ADAM32: variants seen among roughly 807,000 people sequenced by gnomAD.
ADAM32 encodes the protein ADAM metallopeptidase domain 32.
A neutral mutation model predicts 114.9 loss-of-function variants in ADAM32; 89 were observed. The ratio of observed to expected loss-of-function variants is 0.77; its 90% CI spans 0.65 to 0.92. The LOEUF (loss-of-function observed/expected upper bound fraction) is 0.92. Ranked by LOEUF, ADAM32 falls within the 40% of genes least tolerant of loss-of-function variation. The pLI, the probability that ADAM32 is intolerant of heterozygous loss-of-function variation, is 0.00. For missense variants in ADAM32, 870 were observed against 932.8 expected, an observed-to-expected ratio of 0.93 and a Z score of 0.88; for synonymous variants, 285 against 307.5, an observed-to-expected ratio of 0.93 and a Z score of 0.77.
Position 39,259,309 on chromosome 8 carries a change from C to T in ADAM32, c.2162+1966C>T, listed in dbSNP as rs144107424. ...TAGCTCGCCGGGTTCAAGTGATTCT[C>T]CTGCCCCAGCCTCCCCAGAAGCTGG... is the stretch of plus-strand genomic sequence containing the variant. On this transcript the variant is annotated intron_variant, in intron 19 of 24. Transcript: ENST00000379907. Among the ~76,000 whole-genome samples the T allele has an allele frequency of 5.7e-3, 870 of 152,160 alleles. 4 individuals are homozygous for T. Among genetic ancestry groups the T allele is most frequent in the Middle Eastern group, 0.037 (11 of 294 alleles).
At position 39,246,863 on chromosome 8, in the gene ADAM32, T is replaced by C. The variant is rs1272443444; in HGVS notation, c.1902+697T>C. Among the ~76,000 whole-genome samples the C allele has an allele frequency of 3.3e-5, 5 of 152,230 alleles. No homozygotes were observed. In the East Asian group the frequency reaches 9.6e-4, roughly 29 times the overall value. ...TCTGTGCTCCATCAGTTCATCCTTC[T>C]GTCTCCACTAACCCTTGGCAACCAC... On this transcript the variant is annotated intron_variant, in intron 17 of 24. Coordinates refer to ENST00000379907, the MANE Select transcript of ADAM32 (RefSeq NM_145004.7).
At chr8:39,252,488 A>G (rs1811367976) in intron 17 of ADAM32, among the ~76,000 whole-genome samples, 2 of 151,556 alleles carry the variant, frequency 1.3e-5, no homozygotes, top group South Asian at 4.1e-4. Flanking sequence ...TAAAAAGAAT[A>G]AAGATTTCAA....
At chr8:39,132,282 G>C (rs564321272) in intron 2 of ADAM32, among the ~76,000 whole-genome samples, 1 of 152,246 alleles carries the variant, frequency 6.6e-6, no homozygotes, top group South Asian at 2.1e-4. Context: ...ATCAAATATA[G>C]GTATTTATAT....
chr8:39,223,246 C>A lies in ADAM32; in HGVS notation c.1525+8C>A, dbSNP rs1038683520. 3.2e-6 allele frequency: 5 copies of A among 1,550,328 alleles called. No homozygotes were observed. The highest frequency in any genetic ancestry group is 1.3e-5 in the South Asian group (1 of 79,184). Reference sequence around the variant, plus strand: ...AGAGTGTATTTGGAAAAGGTAATATCTTTTTGTTACATCTCAATAGCCCTT... The same window carrying A: ...AGAGTGTATTTGGAAAAGGTAATATATTTTTGTTACATCTCAATAGCCCTT... On this transcript the variant is annotated splice_region_variant and intron_variant, in intron 14 of 24. Transcript: ENST00000379907.
intron 21 of ADAM32, among the ~76,000 whole-genome samples, chr8:39,274,791 G>A (rs1056863939): frequency 6.6e-6 from 1 of 152,194 alleles, no homozygotes; most frequent in Non-Finnish European, 1.5e-5. Flanking sequence ...CACAACATCA[G>A]AGAGCAATGC....
At chr8:39,145,296 A>G (rs897700482) in intron 3 of ADAM32, among the ~76,000 whole-genome samples, 3 of 152,236 alleles carry the variant, frequency 2.0e-5, no homozygotes, top group Non-Finnish European at 4.4e-5. Context: ...CAGAAATAGT[A>G]AATTCCTATG....
chr8:39,181,479 C>T (rs1421743906), intron 10 of ADAM32, among the ~76,000 whole-genome samples: 2 of 152,194 alleles, frequency 1.3e-5, no homozygotes, highest in Non-Finnish European at 2.9e-5. Context: ...CACTGCGAGG[C>T]TCCGCGGCTT....
intron 12 of ADAM32, among the ~76,000 whole-genome samples, chr8:39,215,891 A>G (rs1808524154): frequency 6.6e-6 from 1 of 152,028 alleles, no homozygotes; most frequent in Admixed American, 6.6e-5. Context: ...TGTTCTGTAA[A>G]TATCTATTAG....
intron 2 of ADAM32, among the ~76,000 whole-genome samples, chr8:39,133,783 G>A (rs1802608069): frequency 2.0e-5 from 3 of 152,186 alleles, no homozygotes; most frequent in East Asian, 1.9e-4. Flanking sequence ...TCAGATCCCC[G>A]GATAGTGCAT....
At chr8:39,114,932 C>G (rs766724239) in intron 1 of ADAM32, among the ~76,000 whole-genome samples, 2 of 152,210 alleles carry the variant, frequency 1.3e-5, no homozygotes, top group Non-Finnish European at 2.9e-5. Flanking sequence ...CATGTGTACT[C>G]AATGTTTAGC....
At chr8:39,164,046 T>C (rs1286174543) in intron 7 of ADAM32, among the ~76,000 whole-genome samples, 1 of 152,180 alleles carries the variant, frequency 6.6e-6, no homozygotes, top group African/African-American at 2.4e-5. Context: ...GCAATGGTAT[T>C]ACATAGGTAG....
chr8:39,123,131 T>C (rs1466259054), intron 2 of ADAM32, among the ~76,000 whole-genome samples: 4 of 152,244 alleles, frequency 2.6e-5, no homozygotes, highest in Non-Finnish European at 4.4e-5. Flanking sequence ...CTGAATTGTT[T>C]TGATACCTTT....
At chr8:39,149,942 A>C (rs1803721781) in intron 5 of ADAM32, 75 bp downstream of exon 5, 2 of 1,270,644 alleles carry the variant, frequency 1.6e-6, no homozygotes, top group South Asian at 2.7e-5. Context: ...TCTTTGTATT[A>C]AGTGTGGGGT....
At chr8:39,210,282 A>G (rs1384278808) in intron 11 of ADAM32, among the ~76,000 whole-genome samples, 2 of 152,116 alleles carry the variant, frequency 1.3e-5, no homozygotes, top group African/African-American at 2.4e-5. Context: ...CTCTATGTGC[A>G]TTGCTTCAGA....
At chr8:39,189,249 G>A (rs1007523655) in intron 11 of ADAM32, among the ~76,000 whole-genome samples, 3 of 152,074 alleles carry the variant, frequency 2.0e-5, no homozygotes, top group African/African-American at 7.2e-5. Flanking sequence ...ATAAGTCATA[G>A]GGTTGGTATT....
intron 7 of ADAM32, among the ~76,000 whole-genome samples, chr8:39,161,220 A>G (rs1336605502): frequency 6.6e-6 from 1 of 152,248 alleles, no homozygotes; most frequent in Admixed American, 6.5e-5. Context: ...TCACATTTCT[A>G]GAGTCCCTCT....
intron 11 of ADAM32, among the ~76,000 whole-genome samples, chr8:39,194,052 G>C (rs1806787196): frequency 6.6e-6 from 1 of 152,190 alleles, no homozygotes. Flanking sequence ...GTGTGTACTG[G>C]GGTGCTGGCT....
At chr8:39,162,393 C>G (rs996106328) in intron 7 of ADAM32, among the ~76,000 whole-genome samples, 2 of 152,012 alleles carry the variant, frequency 1.3e-5, no homozygotes, top group Non-Finnish European at 2.9e-5. Context: ...GCCACATATT[C>G]TTGATCCAGA....
chr8:39,144,476 T>C (rs1386716603), intron 3 of ADAM32, among the ~76,000 whole-genome samples: 1 of 152,212 alleles, frequency 6.6e-6, no homozygotes, highest in African/African-American at 2.4e-5. Context: ...AGAACAGACC[T>C]GAGTCAGGTA....
Sources: gnomAD v4.1 joint callset for allele counts (sites outside exome capture counted in the v4.1 genomes callset) on GRCh38, gnomAD v4.1.1 for gene constraint, MANE v1.5 for transcripts, NCBI Gene and HGNC (gene_info 2026-07-23, HGNC 2026-07-21) for gene names.